CHRDL1: variants seen among roughly 807,000 people sequenced by gnomAD.
CHRDL1 encodes the protein chordin-like protein 1.
CHRDL1 carries 19 observed loss-of-function variants against 40.9 expected under a neutral mutation model. The ratio of observed to expected loss-of-function variants is 0.46; its 90% CI spans 0.32 to 0.68. CHRDL1 has a LOEUF of 0.68. Among genes scored for constraint, CHRDL1 ranks in the 30% least tolerant of loss-of-function variants. The probability of loss-of-function intolerance (pLI) is 0.03; values close to 1 mark genes in which losing one functional copy is unlikely to be tolerated. For missense variants in CHRDL1, 329 were observed against 352.1 expected, an observed-to-expected ratio of 0.93 and a Z score of 0.53; for synonymous variants, 136 against 123.4, an observed-to-expected ratio of 1.10 and a Z score of -0.68.
At chrX:110,714,330 A>G (rs2070800526) in intron 6 of CHRDL1, among the ~76,000 whole-genome samples, 1 of 112,015 alleles carries the variant, frequency 8.9e-6, no homozygotes, top group Non-Finnish European at 1.9e-5. Flanking sequence ...TTCTGAAGAC[A>G]CAGAATCAAC....
At chrX:110,700,055 A>T (rs2070480587) in intron 7 of CHRDL1, among the ~76,000 whole-genome samples, 1 of 112,255 alleles carries the variant, frequency 8.9e-6, no homozygotes, top group East Asian at 2.8e-4. Context: ...ATGCTATTTT[A>T]TAAATTCCTT....
At chrX:110,764,216 T>C (rs1411805996) in intron 2 of CHRDL1, among the ~76,000 whole-genome samples, 1 of 112,210 alleles carries the variant, frequency 8.9e-6, no homozygotes, top group Non-Finnish European at 1.9e-5. Flanking sequence ...TGACTGTTCC[T>C]TTTGCCATGC....
intron 3 of CHRDL1, among the ~76,000 whole-genome samples, chrX:110,761,221 A>C (rs2089557848): frequency 8.9e-6 from 1 of 111,978 alleles, no homozygotes; most frequent in Non-Finnish European, 1.9e-5. Context: ...TAACTTGTCC[A>C]GTGGCTCATA....
At chrX:110,716,257 CA>C (rs948665738) in intron 6 of CHRDL1, among the ~76,000 whole-genome samples, 38 of 110,526 alleles carry the variant, frequency 3.4e-4, no homozygotes, top group African/African-American at 1.2e-3. Context: ...ATCAGTAATT[CA>C]GGGGGAAAAA....
chrX:110,686,488 C>T (rs1036015104), intron 9 of CHRDL1, among the ~76,000 whole-genome samples: 3 of 111,080 alleles, frequency 2.7e-5, no homozygotes, highest in Non-Finnish European at 3.8e-5. Flanking sequence ...AAGTGTTAGA[C>T]CCCTGACAGA....
chrX:110,725,391 T>C (rs908020760), intron 4 of CHRDL1, among the ~76,000 whole-genome samples: 67 of 111,984 alleles, frequency 6.0e-4, no homozygotes, highest in African/African-American at 1.9e-3. Flanking sequence ...CCAAGAATTA[T>C]ATGAGAGGGT....
chrX:110,688,729 C>G lies in CHRDL1; in HGVS notation c.853G>C (p.Glu285Gln). The G allele has an allele frequency of 8.3e-7, 1 of 1,209,982 alleles. No individual in the cohort carries two copies. Among genetic ancestry groups the G allele is most frequent in the Non-Finnish European group, 1.1e-6 (1 of 894,523 alleles). ...HPNLRAFGIV[E>Q]CVLCTCNVTK... Reference sequence around the variant, plus strand: ...ACATTACAAGTACATAGCACACACTCCACAATGCCAAATGCCCGGAGGTTT... The same window carrying G: ...ACATTACAAGTACATAGCACACACTGCACAATGCCAAATGCCCGGAGGTTT... The change falls in exon 9 of 12, where the codon GAG becomes CAG. Residue 285 changes from glutamate (E) to glutamine (Q), a missense_variant. Glu to Gln is a conservative substitution (Grantham distance 29). Coordinates refer to ENST00000372042, the MANE Select transcript of CHRDL1 (RefSeq NM_001143981.2).
chrX:110,757,753 C>T (rs957725622), intron 4 of CHRDL1, among the ~76,000 whole-genome samples: 1 of 111,616 alleles, frequency 9.0e-6, no homozygotes, highest in Non-Finnish European at 1.9e-5. Flanking sequence ...AAGTCTTAAC[C>T]ATAATGGTGT....
At position 110,676,334 on chromosome X, in the gene CHRDL1, TCTC is replaced by T; in HGVS notation, c.1271_1273del (p.Gly424del). The T allele has an allele frequency of 1.7e-6, 2 of 1,210,243 alleles. No homozygotes were observed. The highest frequency in any genetic ancestry group is 2.2e-6 in the Non-Finnish European group (2 of 894,543). On this transcript the variant is annotated inframe_deletion, in exon 12 of 12. Transcript: ENST00000372042. ...TGAACACATCTGGCTGATCTGAGCTTCTCCTTCGGTGAAGATCTTCCACTGGCC... is the reference window on the plus strand; with the variant it reads ...TGAACACATCTGGCTGATCTGAGCTTCTTCGGTGAAGATCTTCCACTGGCC...
intron 4 of CHRDL1, among the ~76,000 whole-genome samples, chrX:110,736,795 T>A (rs779411677): frequency 1.8e-5 from 2 of 111,883 alleles, no homozygotes; most frequent in East Asian, 5.6e-4. Context: ...ACCAATAAGA[T>A]TAGGAACTAA....
At chrX:110,701,964 C>T (rs1365490186) in intron 6 of CHRDL1, among the ~76,000 whole-genome samples, 2 of 112,084 alleles carry the variant, frequency 1.8e-5, no homozygotes, top group Non-Finnish European at 3.8e-5. Flanking sequence ...TGACTTATAA[C>T]AGAGTATGAC....
intron 11 of CHRDL1, among the ~76,000 whole-genome samples, chrX:110,678,731 T>C (rs1243885107): frequency 9.0e-6 from 1 of 111,108 alleles, no homozygotes; most frequent in Non-Finnish European, 1.9e-5. Flanking sequence ...GGATAGAAAC[T>C]GTGTGCCTTT....
At chrX:110,733,739 C>A (rs1603206514) in intron 4 of CHRDL1, among the ~76,000 whole-genome samples, 1 of 109,641 alleles carries the variant, frequency 9.1e-6, no homozygotes, top group East Asian at 2.9e-4. Context: ...GAAACCCTGT[C>A]TCTACTAAAA....
chrX:110,677,901 A>T (rs1235700025), intron 11 of CHRDL1, among the ~76,000 whole-genome samples: 2 of 111,599 alleles, frequency 1.8e-5, no homozygotes, highest in Admixed American at 1.9e-4. Context: ...AGTTATTAAT[A>T]TCGGACCCAT....
intron 2 of CHRDL1, among the ~76,000 whole-genome samples, chrX:110,773,217 T>C (rs1030547461): frequency 2.7e-5 from 3 of 112,476 alleles, no homozygotes; most frequent in Admixed American, 9.4e-5. Flanking sequence ...AATTCCTTGC[T>C]ATATATTTCC....
chrX:110,767,764 T>C (rs2089685654), intron 2 of CHRDL1, among the ~76,000 whole-genome samples: 1 of 111,406 alleles, frequency 9.0e-6, no homozygotes, highest in Admixed American at 9.5e-5. Flanking sequence ...CCCATGTTCA[T>C]AGACAGGTAG....
Position 110,721,528 on chromosome X carries a change from C to T in CHRDL1, c.304G>A (p.Asp102Asn). Residue 102 changes from aspartate to asparagine, a missense_variant and splice_region_variant, in exon 5 of 12, where the codon GAC (aspartate) becomes AAC (asparagine). Transcript: ENST00000372042. ...TTATTGTTCACTGGGGGTAAGGAGTCTTCTAGAACAGGGTGGAGAAAAACC... is the reference window on the plus strand; with the variant it reads ...TTATTGTTCACTGGGGGTAAGGAGTTTTCTAGAACAGGGTGGAGAAAAACC... ...PHLCCPRCPE[D>N]SLPPVNNKVT... The T allele has an allele frequency of 8.3e-7, 1 of 1,205,746 alleles. No individual in the cohort carries two copies. The highest frequency in any genetic ancestry group is 1.1e-6 in the Non-Finnish European group (1 of 890,198).
At chrX:110,780,572 T>C (rs900394348) in intron 2 of CHRDL1, among the ~76,000 whole-genome samples, 5 of 111,668 alleles carry the variant, frequency 4.5e-5, no homozygotes, top group African/African-American at 1.6e-4. Flanking sequence ...ACATATAAAG[T>C]TCTGTTTGCA....
intron 4 of CHRDL1, among the ~76,000 whole-genome samples, chrX:110,726,142 G>A (rs989850216): frequency 2.7e-5 from 3 of 111,335 alleles, no homozygotes; most frequent in Non-Finnish European, 5.7e-5. Flanking sequence ...AGTGATGCAA[G>A]AGAAGATAAC....
Sources: gnomAD v4.1 joint callset for allele counts (sites outside exome capture counted in the v4.1 genomes callset) on GRCh38, gnomAD v4.1.1 for gene constraint, MANE v1.5 for transcripts, NCBI Gene and HGNC (gene_info 2026-07-23, HGNC 2026-07-21) for gene names.